EXOC4: variants seen among roughly 807,000 people sequenced by gnomAD.
The protein encoded by EXOC4 is exocyst complex component 4.
Under a neutral mutation model 107.2 loss-of-function variants are expected in EXOC4, and 71 were observed. That is an observed-to-expected ratio of 0.66 (90% CI 0.55 to 0.81). The LOEUF (loss-of-function observed/expected upper bound fraction) is 0.81. EXOC4 is among the 30% of genes least tolerant of loss of function. The pLI is 0.00. For missense variants in EXOC4, 1,108 were observed against 1,189.6 expected (o/e 0.93, Z 1.01); for synonymous variants, 456 against 441.2 (o/e 1.03, Z -0.42).
rs115030656 is a variant in EXOC4 at position 133,851,553 on chromosome 7, T to C, written c.1734+34009T>C. 2.4e-3 allele frequency among the ~76,000 whole-genome samples: 365 copies of C among 152,194 alleles called. 5 individuals carry two copies. The highest frequency in any genetic ancestry group is 8.2e-3 in the African/African-American group (341 of 41,536). ...TGCCATTTGAGCTGTTCCTGAATAA[T>C]ACAGAGGAGCCAGGGAGTGAATGAA... On this transcript the variant is annotated intron_variant, in intron 11 of 17. Coordinates refer to ENST00000253861, the MANE Select transcript of EXOC4 (RefSeq NM_021807.4).
chr7:133,353,431 A>ATTTG (rs750785122), intron 5 of EXOC4, among the ~76,000 whole-genome samples: 2 of 151,750 alleles, frequency 1.3e-5, no homozygotes, highest in South Asian at 2.1e-4. Flanking sequence ...CAGTTTTTTT[A>ATTTG]TTTGTTTGTT....
intron 11 of EXOC4, among the ~76,000 whole-genome samples, chr7:133,822,901 A>G (rs1167284594): frequency 6.6e-6 from 1 of 152,224 alleles, no homozygotes; most frequent in African/African-American, 2.4e-5. Flanking sequence ...TTTAAAAAGT[A>G]TTCAGCTTTG....
intron 10 of EXOC4, among the ~76,000 whole-genome samples, chr7:133,693,982 C>T (rs2151079884): frequency 1.3e-5 from 2 of 152,158 alleles, no homozygotes; most frequent in Middle Eastern, 3.4e-3. Context: ...GTTAGAAATG[C>T]TGGCTGGGTG....
At chr7:133,451,538 G>C (rs911104285) in intron 7 of EXOC4, among the ~76,000 whole-genome samples, 1 of 151,898 alleles carries the variant, frequency 6.6e-6, no homozygotes, top group Non-Finnish European at 1.5e-5. Context: ...ATTCCTGAAT[G>C]AATTTTTTTC....
At chr7:134,071,387 G>A (rs375564940), downstream of EXOC4, among the ~76,000 whole-genome samples, 259 of 152,290 alleles carry the variant, frequency 1.7e-3, no homozygotes, top group Middle Eastern at 0.01. Flanking sequence ...ATTTCAGGAA[G>A]CCAGCAAACT....
chr7:133,373,760 C>G (rs1202662533), intron 6 of EXOC4, among the ~76,000 whole-genome samples: 1 of 152,174 alleles, frequency 6.6e-6, no homozygotes, highest in African/African-American at 2.4e-5. Context: ...ATTTTCTGTA[C>G]TTGTTCATGC....
At chr7:134,011,922 G>C (rs1434830985) in intron 17 of EXOC4, among the ~76,000 whole-genome samples, 1 of 152,108 alleles carries the variant, frequency 6.6e-6, no homozygotes, top group Non-Finnish European at 1.5e-5. Context: ...TAAAGGAAGA[G>C]TAGGAGCAAG....
intron 17 of EXOC4, 51 bp from the exon 18 acceptor site, chr7:134,064,240 C>A: frequency 1.6e-6 from 2 of 1,257,748 alleles, no homozygotes; most frequent in Non-Finnish European, 2.1e-6. Flanking sequence ...CCCCTCGAGA[C>A]GACGTTACCA....
intron 13 of EXOC4, among the ~76,000 whole-genome samples, chr7:133,926,625 G>A (rs886985704): frequency 2.6e-5 from 4 of 152,094 alleles, no homozygotes; most frequent in Non-Finnish European, 4.4e-5. Context: ...TGATTTATAT[G>A]TTTGACTAAT....
At chr7:134,062,903 A>C (rs1381977344) in intron 17 of EXOC4, among the ~76,000 whole-genome samples, 3 of 152,192 alleles carry the variant, frequency 2.0e-5, no homozygotes, top group Admixed American at 2.0e-4. Context: ...GTCTTCCTCC[A>C]CCAAAGGACA....
intron 11 of EXOC4, among the ~76,000 whole-genome samples, chr7:133,881,346 C>G (rs1226147288): frequency 7.1e-6 from 1 of 140,366 alleles, no homozygotes; most frequent in African/African-American, 2.6e-5. Context: ...CATGCTGTTT[C>G]ATGTTCATAA....
intron 7 of EXOC4, among the ~76,000 whole-genome samples, chr7:133,457,665 G>A (rs1798494756): frequency 6.6e-6 from 1 of 152,080 alleles, no homozygotes; most frequent in Non-Finnish European, 1.5e-5. Flanking sequence ...AGGCAACCAG[G>A]GACTCTGCCG....
intron 10 of EXOC4, among the ~76,000 whole-genome samples, chr7:133,645,134 C>T (rs938902320): frequency 6.7e-6 from 1 of 149,370 alleles, no homozygotes; most frequent in Non-Finnish European, 1.5e-5. Flanking sequence ...CTCTGTTGCC[C>T]AGGCTGGAGT....
At chr7:133,352,874 A>C (rs966623203) in intron 5 of EXOC4, among the ~76,000 whole-genome samples, 34 of 152,006 alleles carry the variant, frequency 2.2e-4, no homozygotes, top group African/African-American at 8.2e-4. Context: ...TAACTCTCTA[A>C]CTTGAATTTA....
chr7:133,260,037 T>G (rs1584756355), intron 1 of EXOC4, among the ~76,000 whole-genome samples: 1 of 71,252 alleles, frequency 1.4e-5, no homozygotes, highest in South Asian at 4.7e-4. Flanking sequence ...TTTCCAGTAC[T>G]TTTTTTTTTG....
chr7:133,880,856 G>A (rs1798950934), intron 11 of EXOC4, among the ~76,000 whole-genome samples: 1 of 152,006 alleles, frequency 6.6e-6, no homozygotes, highest in African/African-American at 2.4e-5. Context: ...CATTTTCCAT[G>A]TTTTTATTGG....
intron 2 of EXOC4, among the ~76,000 whole-genome samples, chr7:133,279,341 G>A (rs2150530488): frequency 6.6e-6 from 1 of 152,250 alleles, no homozygotes; most frequent in Non-Finnish European, 1.5e-5. Context: ...ACCCAGTAAT[G>A]GGATGGCTGG....
At chr7:133,924,448 A>C (rs2116667435) in intron 13 of EXOC4, among the ~76,000 whole-genome samples, 1 of 152,328 alleles carries the variant, frequency 6.6e-6, no homozygotes, top group South Asian at 2.1e-4. Flanking sequence ...AGAAAAGAGA[A>C]TACTGATCCA....
intron 10 of EXOC4, among the ~76,000 whole-genome samples, chr7:133,662,485 A>G (rs1384317349): frequency 6.6e-6 from 1 of 152,122 alleles, no homozygotes; most frequent in Non-Finnish European, 1.5e-5. Context: ...TGAGTAGAGC[A>G]TTTAGTCATA....
Sources: allele counts gnomAD v4.1 joint callset (sites outside exome capture counted in the v4.1 genomes callset), GRCh38; gene constraint gnomAD v4.1.1; transcripts MANE v1.5; gene names NCBI Gene and HGNC (gene_info 2026-07-23, HGNC 2026-07-21).